EEFSEC: variants seen among roughly 807,000 people sequenced by gnomAD.
The protein encoded by EEFSEC is eukaryotic elongation factor, selenocysteine-tRNA specific, also known as selenocysteine-specific elongation factor.
Under a neutral mutation model 42.1 loss-of-function variants are expected in EEFSEC, and 43 were observed. The ratio of observed to expected loss-of-function variants is 1.02; its 90% CI spans 0.80 to 1.32. The LOEUF is 1.32. Ranked by LOEUF, EEFSEC falls within the 40% of genes most tolerant of loss-of-function variation. EEFSEC has a pLI of 0.00. For missense variants in EEFSEC, 745 were observed against 803.6 expected, an observed-to-expected ratio of 0.93 and a Z score of 0.88; for synonymous variants, 354 against 339.1, an observed-to-expected ratio of 1.04 and a Z score of -0.48.
chr3:128,315,691 G>C (rs2066937491), intron 4 of EEFSEC, among the ~76,000 whole-genome samples: 1 of 152,228 alleles, frequency 6.6e-6, no homozygotes, highest in African/African-American at 2.4e-5. Context: ...GTGGTATGGA[G>C]TGTAAAGCTC....
intron 4 of EEFSEC, among the ~76,000 whole-genome samples, chr3:128,284,728 C>T (rs1285449539): frequency 6.6e-6 from 1 of 152,060 alleles, no homozygotes; most frequent in Non-Finnish European, 1.5e-5. Context: ...TTGATAGGAC[C>T]CCATATAGCT....
At chr3:128,199,799 T>C (rs1201663863) in intron 1 of EEFSEC, among the ~76,000 whole-genome samples, 1 of 152,182 alleles carries the variant, frequency 6.6e-6, no homozygotes, top group East Asian at 1.9e-4. Flanking sequence ...AGTGGCAAGA[T>C]CTTGGCTCAC....
chr3:128,376,966 A>G (rs899218458), intron 6 of EEFSEC, among the ~76,000 whole-genome samples: 15 of 152,176 alleles, frequency 9.9e-5, no homozygotes, highest in Non-Finnish European at 1.8e-4. Context: ...CAGCGGCACA[A>G]TCTCTCACTC....
chr3:128,412,562 C>T (rs2068181326), downstream of EEFSEC, among the ~76,000 whole-genome samples: 1 of 152,184 alleles, frequency 6.6e-6, no homozygotes, highest in South Asian at 2.1e-4. Flanking sequence ...GAGGGAACAG[C>T]AGAGTGAAGG....
intron 6 of EEFSEC, among the ~76,000 whole-genome samples, chr3:128,377,762 T>G (rs112128305): frequency 6.6e-6 from 1 of 152,232 alleles, no homozygotes; most frequent in Non-Finnish European, 1.5e-5. Context: ...ATCACAGACA[T>G]TTAAAAAGTT....
chr3:128,157,281 AG>A (rs1944397706), intron 1 of EEFSEC, among the ~76,000 whole-genome samples: 1 of 152,246 alleles, frequency 6.6e-6, no homozygotes, highest in African/African-American at 2.4e-5. Context: ...GTTTGAGGAA[AG>A]AGGCCATCTC....
chr3:128,393,304 A>T (rs116084904), intron 6 of EEFSEC, among the ~76,000 whole-genome samples: 3 of 152,202 alleles, frequency 2.0e-5, no homozygotes, highest in Non-Finnish European at 4.4e-5. Flanking sequence ...CCTGGCTGCT[A>T]CAGGGACAGA....
intron 1 of EEFSEC, among the ~76,000 whole-genome samples, chr3:128,212,382 T>G (rs972915696): frequency 6.6e-6 from 1 of 152,206 alleles, no homozygotes. Flanking sequence ...GCCACCATGC[T>G]TCTGCTGGCC....
chr3:128,400,445 C>T (rs1202570504), intron 6 of EEFSEC, among the ~76,000 whole-genome samples: 1 of 152,158 alleles, frequency 6.6e-6, no homozygotes, highest in South Asian at 2.1e-4. Context: ...TATATCAGCC[C>T]CACCTGCCAT....
At chr3:128,407,609 C>T (rs561210897) in intron 6 of EEFSEC, among the ~76,000 whole-genome samples, 16 of 152,328 alleles carry the variant, frequency 1.1e-4, no homozygotes, top group African/African-American at 3.8e-4. Context: ...CCCTCTCTTC[C>T]CACACTCTGG....
intron 5 of EEFSEC, among the ~76,000 whole-genome samples, chr3:128,352,721 G>A (rs1398361387): frequency 6.6e-6 from 1 of 152,250 alleles, no homozygotes; most frequent in Non-Finnish European, 1.5e-5. Flanking sequence ...GGTCTGCCCA[G>A]GGAGGGGGCA....
At chr3:128,232,603 T>A (rs2065970055) in intron 1 of EEFSEC, among the ~76,000 whole-genome samples, 1 of 152,180 alleles carries the variant, frequency 6.6e-6, no homozygotes, top group Non-Finnish European at 1.5e-5. Flanking sequence ...GAACAGAAAC[T>A]GTACATTTTA....
intron 5 of EEFSEC, among the ~76,000 whole-genome samples, chr3:128,343,145 G>A (rs575511310): frequency 2.6e-5 from 4 of 152,322 alleles, no homozygotes; most frequent in African/African-American, 9.6e-5. Context: ...TGGGTTTAGT[G>A]CAGGTGCCAG....
At chr3:128,167,964 A>C (rs766011918) in intron 1 of EEFSEC, among the ~76,000 whole-genome samples, 13 of 152,006 alleles carry the variant, frequency 8.6e-5, no homozygotes, top group Non-Finnish European at 1.9e-4. Flanking sequence ...TGAACCTTTA[A>C]CCTTGGGGTT....
chr3:128,203,500 CG>C (rs565224739), intron 1 of EEFSEC, among the ~76,000 whole-genome samples: 7 of 152,160 alleles, frequency 4.6e-5, no homozygotes. Context: ...CCCTTGTGTG[CG>C]GGCACTGGGC....
chr3:128,237,924 G>C (rs1050481237), intron 1 of EEFSEC, among the ~76,000 whole-genome samples: 3 of 152,118 alleles, frequency 2.0e-5, no homozygotes, highest in African/African-American at 7.2e-5. Context: ...TTGCCCACCT[G>C]CTCTTTGGGA....
intron 4 of EEFSEC, among the ~76,000 whole-genome samples, chr3:128,335,801 G>A (rs2067183644): frequency 6.6e-6 from 1 of 152,202 alleles, no homozygotes; most frequent in Non-Finnish European, 1.5e-5. Flanking sequence ...GCAGGGACAG[G>A]AAGGGGTCAG....
At chr3:128,401,403 T>C (rs944716862) in intron 6 of EEFSEC, among the ~76,000 whole-genome samples, 1 of 152,062 alleles carries the variant, frequency 6.6e-6, no homozygotes. Context: ...CCTGGAGAGG[T>C]GCCCCCTCAC....
At chr3:128,254,522 C>T (rs1348965442) in intron 2 of EEFSEC, among the ~76,000 whole-genome samples, 3 of 152,126 alleles carry the variant, frequency 2.0e-5, no homozygotes, top group South Asian at 4.1e-4. Context: ...TCGCATAAAC[C>T]AGCTGTGGAA....
Sources: gnomAD v4.1 joint callset for allele counts (sites outside exome capture counted in the v4.1 genomes callset) on GRCh38, gnomAD v4.1.1 for gene constraint, MANE v1.5 for transcripts, NCBI Gene and HGNC (gene_info 2026-07-23, HGNC 2026-07-21) for gene names.